AMOTL1: variants seen among roughly 807,000 people sequenced by gnomAD.
The protein encoded by AMOTL1 is angiomotin like 1.
Under a neutral mutation model 102.9 loss-of-function variants are expected in AMOTL1, and 45 were observed. That is an observed-to-expected ratio of 0.44 (90% CI 0.34 to 0.56). The LOEUF (loss-of-function observed/expected upper bound fraction) is 0.56, where lower values mean the gene tolerates loss of function less well. AMOTL1 is among the 20% of genes least tolerant of loss of function. The pLI is 0.01. For missense variants in AMOTL1, 1,114 were observed against 1,225.6 expected, an observed-to-expected ratio of 0.91 and a Z score of 1.36; for synonymous variants, 481 against 484.7, an observed-to-expected ratio of 0.99 and a Z score of 0.10.
intron 6 of AMOTL1, among the ~76,000 whole-genome samples, chr11:94,845,313 T>C (rs945830108): frequency 6.6e-6 from 1 of 152,188 alleles, no homozygotes. Context: ...TTCTACCACT[T>C]GTGTTCTTTC....
chr11:94,843,115 C>G (rs1465067420), intron 6 of AMOTL1, among the ~76,000 whole-genome samples: 1 of 152,208 alleles, frequency 6.6e-6, no homozygotes, highest in East Asian at 1.9e-4. Flanking sequence ...CCTCCTTACC[C>G]AAGAAACCAT....
intron 3 of AMOTL1, among the ~76,000 whole-genome samples, chr11:94,758,325 G>T (rs1470169662): frequency 6.6e-6 from 1 of 152,198 alleles, no homozygotes; most frequent in African/African-American, 2.4e-5. Flanking sequence ...GGAACGGCTG[G>T]TTTAAATGGC....
Position 94,757,971 on chromosome 11 carries a change from A to G in AMOTL1, c.136+16983A>G, listed in dbSNP as rs114562095. ...CAGCTACTTGGAAGGATAAGACAGG[A>G]GAATAACTTGAACCAGGGAGGCAGA... On this transcript the variant is annotated intron_variant, in intron 3 of 4. Transcript: ENST00000299004. Among the ~76,000 whole-genome samples, 981 of 152,318 alleles carry G rather than the reference A, an allele frequency of 6.4e-3. 18 individuals carry two copies. Among genetic ancestry groups the G allele is most frequent in the African/African-American group, 0.022 (925 of 41,556 alleles).
At chr11:94,802,067 T>G (rs1467109450) in intron 3 of AMOTL1, among the ~76,000 whole-genome samples, 1 of 152,142 alleles carries the variant, frequency 6.6e-6, no homozygotes, top group African/African-American at 2.4e-5. Context: ...CACTGACACA[T>G]TTCCCCACAT....
chr11:94,824,847 A>G (rs1365014882), intron 4 of AMOTL1, among the ~76,000 whole-genome samples: 1 of 152,226 alleles, frequency 6.6e-6, no homozygotes, highest in Non-Finnish European at 1.5e-5. Context: ...GCCCTTGCAG[A>G]GATGCATTGT....
At chr11:94,725,557 CT>C (rs1473975060) in intron 1 of AMOTL1, among the ~76,000 whole-genome samples, 1 of 151,970 alleles carries the variant, frequency 6.6e-6, no homozygotes, top group Non-Finnish European at 1.5e-5. Flanking sequence ...TAACTATGAA[CT>C]AAACTATAGA....
chr11:94,735,350 A>C (rs1469692539), intron 2 of AMOTL1, among the ~76,000 whole-genome samples: 1 of 152,218 alleles, frequency 6.6e-6, no homozygotes, highest in East Asian at 1.9e-4. Context: ...CTAGAAATGC[A>C]GCTAAGATTT....
intron 2 of AMOTL1, among the ~76,000 whole-genome samples, chr11:94,739,848 G>A (rs1242064439): frequency 2.0e-5 from 3 of 152,176 alleles, no homozygotes; most frequent in African/African-American, 7.2e-5. Context: ...ATCTGTCCAA[G>A]TTATCAGGCT....
intron 3 of AMOTL1, among the ~76,000 whole-genome samples, chr11:94,803,214 G>A (rs1951509260): frequency 6.6e-6 from 1 of 152,228 alleles, no homozygotes; most frequent in Non-Finnish European, 1.5e-5. Flanking sequence ...AGAAGAATAA[G>A]AATTTGAGTT....
intron 3 of AMOTL1, among the ~76,000 whole-genome samples, chr11:94,813,864 G>T (rs893960817): frequency 1.3e-5 from 2 of 152,274 alleles, no homozygotes; most frequent in East Asian, 1.9e-4. Context: ...GGGAAAAGAG[G>T]TTCTCTTGGT....
chr11:94,838,598 C>T (rs1457635630), intron 6 of AMOTL1, among the ~76,000 whole-genome samples: 10 of 152,104 alleles, frequency 6.6e-5, no homozygotes, highest in Admixed American at 2.0e-4. Flanking sequence ...TTGCTGACCT[C>T]GGTTCCAGGA....
At chr11:94,715,046 A>C (rs1950075390) in intron 1 of AMOTL1, among the ~76,000 whole-genome samples, 1 of 152,066 alleles carries the variant, frequency 6.6e-6, no homozygotes, top group Non-Finnish European at 1.5e-5. Flanking sequence ...CATCTTACAA[A>C]TTCTGATGTT....
At chr11:94,828,300 C>G (rs1363147777) in intron 4 of AMOTL1, among the ~76,000 whole-genome samples, 1 of 152,160 alleles carries the variant, frequency 6.6e-6, no homozygotes, top group African/African-American at 2.4e-5. Context: ...GGAATTTGCC[C>G]TTTTAGTGTC....
chr11:94,818,213 C>A (rs1489369318), intron 3 of AMOTL1, among the ~76,000 whole-genome samples: 1 of 152,182 alleles, frequency 6.6e-6, no homozygotes, highest in Non-Finnish European at 1.5e-5. Context: ...TTGAGGTTGA[C>A]TTGTAGAGCC....
In AMOTL1 at chr11:94,864,836, G is replaced by T. The variant is rs778805663; in HGVS notation, c.2237G>T (p.Arg746Ile). ...GAGGAGGAGGTGGTGCAGGCCAACAGAAGGTGTCAGGACATGGAATACACG... is the reference window on the plus strand; with the variant it reads ...GAGGAGGAGGTGGTGCAGGCCAACATAAGGTGTCAGGACATGGAATACACG... ...QEEEEVVQAN[R>I]RCQDMEYTIK... Residue 746 changes from arginine to isoleucine, a missense_variant, in exon 10 of 13, where the codon AGA (arginine) becomes ATA (isoleucine). Coordinates refer to ENST00000433060, the MANE Select transcript of AMOTL1 (RefSeq NM_130847.3). 6.2e-7 allele frequency: 1 copy of T among 1,613,812 alleles called. No individual in the cohort carries two copies. The highest frequency in any genetic ancestry group is 8.5e-7 in the Non-Finnish European group (1 of 1,179,766).
At chr11:94,869,594 C>A in intron 12 of AMOTL1, 121 bp downstream of exon 12, 1 of 1,160,860 alleles carries the variant, frequency 8.6e-7, no homozygotes, top group Non-Finnish European at 1.2e-6. Flanking sequence ...TATGGGGATG[C>A]TATTCTAATG....
In AMOTL1 at chr11:94,861,106, G is replaced by A. The variant is rs193289854; in HGVS notation, c.2135+1391G>A. ...GGGAATCATTTTTCTGTGCTTCCAC[G>A]TTGTTTATGTGGGTCTACACTTTGA... On this transcript the variant is annotated intron_variant, in intron 9 of 12. Coordinates refer to ENST00000433060, the MANE Select transcript of AMOTL1 (RefSeq NM_130847.3). 6.5e-4 allele frequency among the ~76,000 whole-genome samples: 99 copies of A among 152,220 alleles called. 2 individuals carry two copies. The highest frequency in any genetic ancestry group is 1.2e-3 in the Non-Finnish European group (82 of 68,016).
At chr11:94,803,740 C>T (rs1270582219) in intron 3 of AMOTL1, among the ~76,000 whole-genome samples, 1 of 152,152 alleles carries the variant, frequency 6.6e-6, no homozygotes, top group Non-Finnish European at 1.5e-5. Flanking sequence ...AAGGGATGAT[C>T]TAATTTTTAT....
chr11:94,786,921 T>C (rs1951198562), intron 1 of AMOTL1, among the ~76,000 whole-genome samples: 1 of 152,216 alleles, frequency 6.6e-6, no homozygotes, highest in Non-Finnish European at 1.5e-5. Context: ...TAGGAACATA[T>C]GCAGACGATT....
Sources: gnomAD v4.1 joint callset for allele counts (sites outside exome capture counted in the v4.1 genomes callset) on GRCh38, gnomAD v4.1.1 for gene constraint, MANE v1.5 for transcripts, NCBI Gene and HGNC (gene_info 2026-07-23, HGNC 2026-07-21) for gene names.